TAFA4: variants seen among roughly 807,000 people sequenced by gnomAD.
TAFA4 encodes TAFA chemokine like family member 4, also known as chemokine-like protein TAFA-4.
Under a neutral mutation model 21.1 loss-of-function variants are expected in TAFA4, and 20 were observed. The observed-to-expected ratio is 0.95, with a 90% CI of 0.67 to 1.38. The LOEUF (loss-of-function observed/expected upper bound fraction) is 1.38, where lower values mean the gene tolerates loss of function less well. Ranked by LOEUF, TAFA4 falls within the 40% of genes most tolerant of loss-of-function variation. TAFA4 has a pLI of 0.00. For synonymous variants in TAFA4, 71 were observed against 67.4 expected, an observed-to-expected ratio of 1.05 and a Z score of -0.26; for missense variants, 211 against 180.9, an observed-to-expected ratio of 1.17 and a Z score of -0.95.
chr3:68,780,484 T>C (rs1048823624), intron 3 of TAFA4, among the ~76,000 whole-genome samples: 3 of 152,174 alleles, frequency 2.0e-5, no homozygotes, highest in African/African-American at 2.4e-5. Context: ...AGGTCTTTCC[T>C]ATGCTGTTCT....
intron 1 of TAFA4, among the ~76,000 whole-genome samples, chr3:68,898,062 G>A (rs981594547): frequency 2.0e-5 from 3 of 152,180 alleles, no homozygotes; most frequent in African/African-American, 7.2e-5. Context: ...AGGACATGTG[G>A]CACAGGGAAG....
At chr3:68,880,884 G>A in intron 2 of TAFA4, 39 bp from the exon 3 acceptor site, 3 of 1,557,082 alleles carry the variant, frequency 1.9e-6, no homozygotes, top group Non-Finnish European at 2.7e-6. Flanking sequence ...GAGGGCTGAG[G>A]AAGGCCAGAC....
At chr3:68,928,566 G>A (rs1255689957) in intron 1 of TAFA4, among the ~76,000 whole-genome samples, 2 of 152,034 alleles carry the variant, frequency 1.3e-5, no homozygotes, top group Non-Finnish European at 2.9e-5. Context: ...CTCTTCCATC[G>A]CCAGCTCCCC....
At chr3:68,821,106 C>A (rs1291320154) in intron 3 of TAFA4, among the ~76,000 whole-genome samples, 1 of 152,142 alleles carries the variant, frequency 6.6e-6, no homozygotes, top group Non-Finnish European at 1.5e-5. Context: ...AGGTTAAAAT[C>A]TTTTACAAAT....
chr3:68,756,669 C>A (rs372970434), intron 3 of TAFA4, among the ~76,000 whole-genome samples: 3 of 152,118 alleles, frequency 2.0e-5, no homozygotes, highest in Non-Finnish European at 4.4e-5. Context: ...TTGTAAAATG[C>A]ACAGACAGAA....
intron 3 of TAFA4, among the ~76,000 whole-genome samples, chr3:68,783,584 CAG>C (rs1157139257): frequency 4.6e-5 from 7 of 151,624 alleles, no homozygotes; most frequent in Middle Eastern, 3.2e-3. Flanking sequence ...CTATCTGTTT[CAG>C]AGTTTCCCAC....
At chr3:68,873,534 A>C (rs1326560284) in intron 3 of TAFA4, among the ~76,000 whole-genome samples, 2 of 152,174 alleles carry the variant, frequency 1.3e-5, no homozygotes, top group East Asian at 3.8e-4. Context: ...TTTAGCCGGC[A>C]ACAGCTCAAA....
At chr3:68,832,706 T>C (rs1235525389) in intron 3 of TAFA4, among the ~76,000 whole-genome samples, 1 of 152,212 alleles carries the variant, frequency 6.6e-6, no homozygotes, top group African/African-American at 2.4e-5. Context: ...GGAGAAACAC[T>C]GCTCTCTTCA....
intron 3 of TAFA4, among the ~76,000 whole-genome samples, chr3:68,852,139 T>C (rs1053627083): frequency 6.6e-6 from 1 of 152,174 alleles, no homozygotes; most frequent in Non-Finnish European, 1.5e-5. Flanking sequence ...CCACACTGAC[T>C]CTTGCATCTC....
At chr3:68,791,410 G>A (rs1315183762) in intron 3 of TAFA4, among the ~76,000 whole-genome samples, 1 of 152,108 alleles carries the variant, frequency 6.6e-6, no homozygotes, top group Non-Finnish European at 1.5e-5. Flanking sequence ...ACCAAATGCT[G>A]GAAGACGCAA....
intron 2 of TAFA4, among the ~76,000 whole-genome samples, chr3:68,883,854 G>A (rs1391406816): frequency 6.6e-6 from 1 of 152,008 alleles, no homozygotes; most frequent in African/African-American, 2.4e-5. Flanking sequence ...GAACGCTTGA[G>A]GCCAGGAATT....
At chr3:68,879,800 G>A (rs1338852191) in intron 3 of TAFA4, among the ~76,000 whole-genome samples, 1 of 152,140 alleles carries the variant, frequency 6.6e-6, no homozygotes, top group Non-Finnish European at 1.5e-5. Context: ...AATATCTCAT[G>A]AACTTTCCAA....
At chr3:68,847,444 C>A (rs1201954202) in intron 3 of TAFA4, among the ~76,000 whole-genome samples, 1 of 152,256 alleles carries the variant, frequency 6.6e-6, no homozygotes, top group East Asian at 1.9e-4. Flanking sequence ...TGGATTTTAG[C>A]TTGCTGGGCT....
At chr3:68,838,155 T>C (rs1052928498) in intron 3 of TAFA4, among the ~76,000 whole-genome samples, 11 of 152,244 alleles carry the variant, frequency 7.2e-5, no homozygotes, top group African/African-American at 2.6e-4. Context: ...GTTTTTACCA[T>C]AGAAAGTAAC....
chr3:68,764,701 C>T lies in TAFA4; in HGVS notation c.131-11683G>A, dbSNP rs542356977. Among the ~76,000 whole-genome samples, 7 of 152,266 alleles carry T rather than the reference C, an allele frequency of 4.6e-5. No homozygotes were observed. The East Asian group carries it at 1.2e-3, about 25-fold the overall frequency. On this transcript the variant is annotated intron_variant, in intron 3 of 5. Coordinates refer to ENST00000295569, the MANE Select transcript of TAFA4 (RefSeq NM_182522.5). Reference sequence around the variant, plus strand: ...GGCACTCCAGTTCCTGTTTGTCTGGCTCTGGTTTTACTATTGCCTAGTGCT... The same window carrying T: ...GGCACTCCAGTTCCTGTTTGTCTGGTTCTGGTTTTACTATTGCCTAGTGCT...
intron 3 of TAFA4, among the ~76,000 whole-genome samples, chr3:68,840,709 C>T (rs894487962): frequency 7.2e-5 from 11 of 152,102 alleles, no homozygotes; most frequent in Admixed American, 6.5e-5. Flanking sequence ...CCTGGTCCCT[C>T]CCATATAGAA....
chr3:68,873,353 CA>C, intron 3 of TAFA4, among the ~76,000 whole-genome samples: 1 of 144,074 alleles, frequency 6.9e-6, no homozygotes. Context: ...CACACACACA[CA>C]CACACACACA....
intron 4 of TAFA4, among the ~76,000 whole-genome samples, chr3:68,740,948 C>T (rs1382363184): frequency 6.6e-6 from 1 of 152,124 alleles, no homozygotes; most frequent in Non-Finnish European, 1.5e-5. Flanking sequence ...AAAGACTAGT[C>T]AACTATAAAT....
chr3:68,909,895 G>C (rs1374294352), intron 1 of TAFA4, among the ~76,000 whole-genome samples: 1 of 152,194 alleles, frequency 6.6e-6, no homozygotes, highest in Non-Finnish European at 1.5e-5. Context: ...CACTGGGAAG[G>C]CCTGCTTTCT....
Sources: gnomAD v4.1 joint callset for allele counts (sites outside exome capture counted in the v4.1 genomes callset) on GRCh38, gnomAD v4.1.1 for gene constraint, MANE v1.5 for transcripts, NCBI Gene and HGNC (gene_info 2026-07-23, HGNC 2026-07-21) for gene names.